DMXL2: variants seen among roughly 807,000 people sequenced by gnomAD.
DMXL2 encodes the protein dmX-like protein 2.
Under a neutral mutation model 331.1 loss-of-function variants are expected in DMXL2, and 103 were observed. The ratio of observed to expected loss-of-function variants is 0.31; its 90% CI spans 0.27 to 0.37. The LOEUF (loss-of-function observed/expected upper bound fraction) is 0.37. DMXL2 is among the 10% of genes least tolerant of loss of function. The probability of loss-of-function intolerance (pLI) is 1.00; values close to 1 mark genes in which losing one functional copy is unlikely to be tolerated. For synonymous variants in DMXL2, 1,281 were observed against 1,252.1 expected, an observed-to-expected ratio of 1.02 and a Z score of -0.49; for missense variants, 3,171 against 3,642.9, an observed-to-expected ratio of 0.87 and a Z score of 3.33.
chr15:51,524,970 C>T (rs1010198760), intron 13 of DMXL2, among the ~76,000 whole-genome samples: 5 of 151,610 alleles, frequency 3.3e-5, no homozygotes, highest in Non-Finnish European at 5.9e-5. Flanking sequence ...GTACAACTCA[C>T]GGCTCCAAAG....
At chr15:51,507,895 A>T (rs1301169296) in intron 15 of DMXL2, among the ~76,000 whole-genome samples, 1 of 151,972 alleles carries the variant, frequency 6.6e-6, no homozygotes, top group South Asian at 2.1e-4. Flanking sequence ...TGCATTTTTT[A>T]AAAAAAGACA....
chr15:51,536,945 T>A (rs981008437), intron 11 of DMXL2, 83 bp from the exon 12 acceptor site: 1 of 1,186,230 alleles, frequency 8.4e-7, no homozygotes, highest in Non-Finnish European at 1.2e-6. Context: ...ATACCAAATC[T>A]CAGCTTCTTA....
At chr15:51,455,654 GTGT>G (rs1374089027) in intron 39 of DMXL2, among the ~76,000 whole-genome samples, 1 of 152,122 alleles carries the variant, frequency 6.6e-6, no homozygotes, top group Non-Finnish European at 1.5e-5. Flanking sequence ...GGCTCCTAAA[GTGT>G]TGTAATTACA....
At chr15:51,610,566 A>C (rs2053891519) in intron 1 of DMXL2, among the ~76,000 whole-genome samples, 1 of 152,318 alleles carries the variant, frequency 6.6e-6, no homozygotes, top group Admixed American at 6.5e-5. Context: ...CAGGAGATCG[A>C]GACCATCCTG....
intron 1 of DMXL2, 45 bp downstream of exon 1, chr15:51,622,414 T>C (rs1473338520): frequency 5.8e-6 from 9 of 1,549,878 alleles, no homozygotes; most frequent in South Asian, 2.4e-5. Flanking sequence ...TGCCCCCGCG[T>C]CTGGCCCCTG....
intron 15 of DMXL2, among the ~76,000 whole-genome samples, chr15:51,512,797 C>G (rs2046833834): frequency 7.5e-6 from 1 of 133,334 alleles, no homozygotes; most frequent in African/African-American, 2.8e-5. Flanking sequence ...GCCTGGGCAG[C>G]AAAGCAAACT....
rs1331217568 is a variant in DMXL2 at position 51,622,598 on chromosome 15, C to T, written c.-53G>A. On this transcript the variant is annotated 5_prime_UTR_variant, in exon 1 of 44. Coordinates refer to ENST00000560891, the MANE Select transcript of DMXL2 (RefSeq NM_001378457.1). ...GCGGGAGGTGCGACAAGCTCCGCGC[C>T]TGACCCTCCTCGGGCTGCGAGAGCC... 1.3e-6 allele frequency: 2 copies of T among 1,518,170 alleles called. No individual in the cohort carries two copies. Among genetic ancestry groups the T allele is most frequent in the Non-Finnish European group, 8.9e-7 (1 of 1,128,586 alleles). The allele number at this position is 1,518,170 out of a possible 1,614,324, so 94.0% of individuals were successfully genotyped here.
At chr15:51,604,463 C>T (rs1308484121) in intron 1 of DMXL2, among the ~76,000 whole-genome samples, 1 of 149,840 alleles carries the variant, frequency 6.7e-6, no homozygotes, top group Non-Finnish European at 1.5e-5. Flanking sequence ...AATTTCTGTG[C>T]AGCCATGAAC....
Position 51,529,165 on chromosome 15 carries a change from A to G in DMXL2, c.2436+6498T>C, listed in dbSNP as rs886621767. On this transcript the variant is annotated intron_variant, in intron 13 of 43. Coordinates refer to ENST00000560891, the MANE Select transcript of DMXL2 (RefSeq NM_001378457.1). The stretch of plus-strand genomic sequence containing the variant: ...GTGCCTACATCAAAAAACAAGGAAG[A>G]CTTCAAATAAACAACCTAACGATGA... Among the ~76,000 whole-genome samples the G allele has an allele frequency of 1.6e-4, 24 of 152,164 alleles. 1 individual carries two copies. Among genetic ancestry groups the G allele is most frequent in the African/African-American group, 5.8e-4 (24 of 41,466 alleles).
At chr15:51,478,442 C>T (rs768327907) in intron 25 of DMXL2, 95 bp from the exon 26 acceptor site, 12 of 1,054,346 alleles carry the variant, frequency 1.1e-5, no homozygotes, top group Non-Finnish European at 1.4e-5. Flanking sequence ...AACCTAGCAA[C>T]ATCATAAATA....
At chr15:51,578,998 G>A (rs1314650896) in intron 1 of DMXL2, among the ~76,000 whole-genome samples, 1 of 152,136 alleles carries the variant, frequency 6.6e-6, no homozygotes, top group Non-Finnish European at 1.5e-5. Context: ...CCAGCTACTC[G>A]GGAAGCTGAG....
chr15:51,481,503 T>C lies in DMXL2; in HGVS notation c.5603A>G (p.Lys1868Arg). 1 of 1,613,876 alleles carries C rather than the reference T, an allele frequency of 6.2e-7. No individual in the cohort carries two copies. The highest frequency in any genetic ancestry group is 8.5e-7 in the Non-Finnish European group (1 of 1,179,914). ...TTTATCAACAAAGTTCTTCTCAGTT[T>C]TGAGACCTAAGGTTGCCAAAGTTCC... ...PEGTLATLGL[K>R]TEKNFVDKIN... Residue 1868 changes from lysine to arginine, a missense_variant, in exon 24 of 44, where the codon AAA becomes AGA. Around this residue, in one of 7 missense-constraint regions of DMXL2, gnomAD observed 244 missense variants for 251.4 expected, o/e 0.97. Coordinates refer to ENST00000560891, the MANE Select transcript of DMXL2 (RefSeq NM_001378457.1).
At chr15:51,455,561 A>T (rs1391452323) in intron 39 of DMXL2, among the ~76,000 whole-genome samples, 2 of 151,044 alleles carry the variant, frequency 1.3e-5, no homozygotes, top group African/African-American at 4.8e-5. Flanking sequence ...TGGGCTTTTT[A>T]AAAAAATTTT....
chr15:51,466,226 GA>G lies in DMXL2; in HGVS notation c.7477del (p.Ser2493GlnfsTer21), dbSNP rs1307838825. On this transcript the variant is annotated frameshift_variant, in exon 30 of 44. Transcript: ENST00000560891. LOFTEE classifies it high-confidence loss of function. ...HSDEEDDAFF[S>X]DTQIQEHQDP... is the part of the protein sequence containing the mutation. The stretch of plus-strand genomic sequence containing the variant: ...TTGGTGCTCCTGTATTTGTGTATCT[GA>G]AAAAAAGGCATCATCTTCTTCATCA... The G allele has an allele frequency of 1.9e-5, 30 of 1,576,754 alleles. No homozygotes were observed. Among genetic ancestry groups the G allele is most frequent in the Admixed American group, 1.1e-4 (6 of 52,676 alleles).
Position 51,480,121 on chromosome 15 carries a change from G to A in DMXL2, c.6583C>T (p.Leu2195Phe), listed in dbSNP as rs761353144. 4.5e-6 allele frequency: 7 copies of A among 1,559,562 alleles called. No homozygotes were observed. Among genetic ancestry groups the A allele is most frequent in the Non-Finnish European group, 6.1e-6 (7 of 1,144,452 alleles). Reference sequence around the variant, plus strand: ...GTAGGCAGTGGTAGTGGAGACTGGAGCTGCTTTACTGTAGTTTCCTGTGGG... The same window carrying A: ...GTAGGCAGTGGTAGTGGAGACTGGAACTGCTTTACTGTAGTTTCCTGTGGG... ...ESQQETTVKQLQSPLPLPTTL... is the reference protein window; with the variant it reads ...ESQQETTVKQFQSPLPLPTTL... The change falls in exon 25 of 44, where the codon CTC (leucine) becomes TTC (phenylalanine). Residue 2195 changes from leucine to phenylalanine, a missense_variant. This residue lies in a region of DMXL2 where 197 missense variants were observed against 196.2 expected (regional missense o/e 1.00). Transcript: ENST00000560891.
chr15:51,504,270 C>T (rs915340767), intron 16 of DMXL2, among the ~76,000 whole-genome samples: 3 of 152,146 alleles, frequency 2.0e-5, no homozygotes, highest in East Asian at 3.8e-4. Context: ...TTTCCTGAGG[C>T]CATGTAATTA....
At chr15:51,560,466 A>G (rs151087341) in intron 6 of DMXL2, among the ~76,000 whole-genome samples, 1 of 148,156 alleles carries the variant, frequency 6.7e-6, no homozygotes, top group East Asian at 2.0e-4. Flanking sequence ...AAGGGAAAAG[A>G]GACCAGCCTG....
Position 51,493,851 on chromosome 15 carries a change from T to A in DMXL2, c.4783+1173A>T, listed in dbSNP as rs375739749. 7.2e-5 allele frequency among the ~76,000 whole-genome samples: 11 copies of A among 152,354 alleles called. No homozygotes were observed. In the East Asian group the frequency reaches 1.3e-3, roughly 19 times the overall value. On this transcript the variant is annotated intron_variant, in intron 19 of 43. Transcript: ENST00000560891. ...AAATGGCATAGATTGCTTAAAATGT[T>A]AATATCAAATGTGGGCAATGGGGTT...
intron 1 of DMXL2, among the ~76,000 whole-genome samples, chr15:51,599,582 T>C (rs1347824385): frequency 2.6e-5 from 4 of 152,254 alleles, no homozygotes; most frequent in East Asian, 1.9e-4. Flanking sequence ...CATGTATACA[T>C]ACACACATTA....
Sources: allele counts gnomAD v4.1 joint callset (sites outside exome capture counted in the v4.1 genomes callset), GRCh38; gene constraint gnomAD v4.1.1; regional missense constraint gnomAD v4.1.1; transcripts MANE v1.5; gene names NCBI Gene and HGNC (gene_info 2026-07-23, HGNC 2026-07-21).